The following XYLT1 variants were observed in gnomAD, a reference collection of about 807,000 sequenced individuals.
XYLT1 encodes xylosyltransferase 1.
A neutral mutation model predicts 91.3 loss-of-function variants in XYLT1; 36 were observed. The ratio of observed to expected loss-of-function variants is 0.39; its 90% CI spans 0.30 to 0.52. XYLT1 has a LOEUF of 0.52. Ranked by LOEUF, XYLT1 falls within the 20% of genes least tolerant of loss-of-function variation. The pLI is 0.68. For missense variants in XYLT1, 1,242 were observed against 1,284.5 expected (o/e 0.97, Z 0.51); for synonymous variants, 588 against 532.0 (o/e 1.11, Z -1.45).
intron 11 of XYLT1, among the ~76,000 whole-genome samples, chr16:17,115,312 TAAAAAAAAAAAAA>T (rs869095502): frequency 8.2e-5 from 4 of 48,828 alleles, no homozygotes; most frequent in Non-Finnish European, 1.5e-4. Flanking sequence ...CAAAAATAGT[TAAAAAAAAAAAAA>T]AAAAAAAAAA....
intron 2 of XYLT1, among the ~76,000 whole-genome samples, chr16:17,340,445 A>T (rs1372294950): frequency 6.6e-6 from 1 of 152,244 alleles, no homozygotes; most frequent in African/African-American, 2.4e-5. Context: ...CTGTGTTCAG[A>T]TCATTTCCTT....
intron 5 of XYLT1, among the ~76,000 whole-genome samples, chr16:17,187,372 T>A (rs1211601026): frequency 2.5e-5 from 3 of 122,280 alleles, no homozygotes; most frequent in African/African-American, 6.5e-5. Flanking sequence ...CCAGCCTGGG[T>A]GACAGAGCAA....
chr16:17,297,455 C>T (rs72779647), intron 2 of XYLT1, among the ~76,000 whole-genome samples: 12,600 of 152,026 alleles, frequency 0.083, 705 homozygotes, highest in Non-Finnish European at 0.13. Flanking sequence ...ATGGAGAACG[C>T]CTGTAATCCC....
intron 1 of XYLT1, among the ~76,000 whole-genome samples, chr16:17,385,111 G>C (rs1212634325): frequency 1.3e-5 from 2 of 151,708 alleles, no homozygotes; most frequent in Non-Finnish European, 2.9e-5. Flanking sequence ...GGAGATGACG[G>C]AGCAGAGAGA....
At chr16:17,247,162 T>TCAC (rs1555490715) in intron 3 of XYLT1, among the ~76,000 whole-genome samples, 1 of 151,108 alleles carries the variant, frequency 6.6e-6, no homozygotes, top group Non-Finnish European at 1.5e-5. Context: ...CATTTATTCA[T>TCAC]TCACTCATTC....
At chr16:17,327,892 A>G (rs562358603) in intron 2 of XYLT1, among the ~76,000 whole-genome samples, 2 of 152,168 alleles carry the variant, frequency 1.3e-5, no homozygotes, top group South Asian at 2.1e-4. Flanking sequence ...CTTGAAGCAT[A>G]ACTGGAGGAT....
chr16:17,213,021 G>A (rs1024487014), intron 3 of XYLT1, among the ~76,000 whole-genome samples: 1 of 152,166 alleles, frequency 6.6e-6, no homozygotes, highest in Non-Finnish European at 1.5e-5. Context: ...GACTTGATAT[G>A]GTTTGGATCT....
intron 1 of XYLT1, among the ~76,000 whole-genome samples, chr16:17,412,437 T>A (rs1567194096): frequency 6.6e-6 from 1 of 151,552 alleles, no homozygotes; most frequent in African/African-American, 2.4e-5. Context: ...TAACTCAGCC[T>A]AGACTCTACC....
chr16:17,211,019 C>T (rs1202218540), intron 3 of XYLT1, among the ~76,000 whole-genome samples: 1 of 152,168 alleles, frequency 6.6e-6, no homozygotes, highest in Non-Finnish European at 1.5e-5. Context: ...GCTGTCTCCT[C>T]ATGGCAAGTG....
In XYLT1 at chr16:17,112,750, C is replaced by CAAGAA. The variant is rs138666362; in HGVS notation, c.2558-3738_2558-3734dup. On this transcript the variant is annotated intron_variant, in intron 11 of 11. Coordinates refer to ENST00000261381, the MANE Select transcript of XYLT1 (RefSeq NM_022166.4). ...GGGAAGAAGGAGCAGGCTTCCAGCTCAAGAAAACATGAGGTCTCTGTCTTT... is the reference window on the plus strand; with the variant it reads ...GGGAAGAAGGAGCAGGCTTCCAGCTCAAGAAAAGAAAACATGAGGTCTCTGTCTTT... Among the ~76,000 whole-genome samples the CAAGAA allele has an allele frequency of 0.011, 1,632 of 152,276 alleles. 88 individuals carry two copies. The East Asian group carries it at 0.17, about 16-fold the overall frequency.
intron 1 of XYLT1, among the ~76,000 whole-genome samples, chr16:17,455,653 T>C (rs766126857): frequency 2.0e-5 from 3 of 152,140 alleles, no homozygotes; most frequent in Non-Finnish European, 4.4e-5. Context: ...TTTTCCTCTA[T>C]TATTGTGTTT....
chr16:17,289,657 T>C (rs1382586280), intron 2 of XYLT1, among the ~76,000 whole-genome samples: 4 of 152,324 alleles, frequency 2.6e-5, no homozygotes, highest in South Asian at 2.1e-4. Flanking sequence ...AGGGTGACAG[T>C]TGAGAATGCA....
chr16:17,370,058 G>A (rs1233170096), intron 1 of XYLT1, among the ~76,000 whole-genome samples: 1 of 152,174 alleles, frequency 6.6e-6, no homozygotes, highest in East Asian at 1.9e-4. Context: ...CAGCTGTGGG[G>A]GAAGGGAACA....
At position 17,372,295 on chromosome 16, in the gene XYLT1, T is replaced by C. The variant is rs1217657356; in HGVS notation, c.364-14245A>G. 4.6e-5 allele frequency among the ~76,000 whole-genome samples: 7 copies of C among 152,234 alleles called. No individual in the cohort carries two copies. The East Asian group carries it at 1.3e-3, about 29-fold the overall frequency. On this transcript the variant is annotated intron_variant, in intron 1 of 11. Transcript: ENST00000261381. ...GCATTTCTCAGGGACAATTATCTTA[T>C]TACTAGTGCACTAATCTTTTCAATC...
chr16:17,136,090 G>A (rs895805352), intron 8 of XYLT1, among the ~76,000 whole-genome samples: 3 of 152,140 alleles, frequency 2.0e-5, no homozygotes, highest in Non-Finnish European at 4.4e-5. Flanking sequence ...ATTAATAGCA[G>A]CAACAACTAC....
intron 3 of XYLT1, among the ~76,000 whole-genome samples, chr16:17,220,954 T>A (rs114370023): frequency 6.6e-6 from 1 of 152,154 alleles, no homozygotes; most frequent in African/African-American, 2.4e-5. Flanking sequence ...TGTGGAAAGA[T>A]TGGCTTTCTG....
At chr16:17,186,656 A>G (rs185262927) in intron 5 of XYLT1, among the ~76,000 whole-genome samples, 2 of 152,128 alleles carry the variant, frequency 1.3e-5, no homozygotes, top group Non-Finnish European at 2.9e-5. Flanking sequence ...GCTGAGAAGC[A>G]CATAGTGAGA....
chr16:17,326,188 C>CTT (rs5815934), intron 2 of XYLT1, among the ~76,000 whole-genome samples: 105,300 of 151,784 alleles, frequency 0.69, 38,511 homozygotes, highest in African/African-American at 0.92. Context: ...GATCTACTCT[C>CTT]AATACATTTT....
At chr16:17,223,746 T>G (rs1333194004) in intron 3 of XYLT1, among the ~76,000 whole-genome samples, 3 of 152,194 alleles carry the variant, frequency 2.0e-5, no homozygotes, top group African/African-American at 7.2e-5. Context: ...TTAGAGACAT[T>G]ATACACTGGT....
Sources: allele counts gnomAD v4.1 joint callset (sites outside exome capture counted in the v4.1 genomes callset), GRCh38; gene constraint gnomAD v4.1.1; transcripts MANE v1.5; gene names NCBI Gene and HGNC (gene_info 2026-07-23, HGNC 2026-07-21).